CTCFL: variants seen among roughly 807,000 people sequenced by gnomAD.
CTCFL encodes the protein CCCTC-binding factor like, also known as transcriptional repressor CTCFL.
A neutral mutation model predicts 67.4 loss-of-function variants in CTCFL; 36 were observed. The ratio of observed to expected loss-of-function variants is 0.53; its 90% CI spans 0.41 to 0.71. CTCFL has a LOEUF of 0.71. Among genes scored for constraint, CTCFL ranks in the 30% least tolerant of loss-of-function variants. The probability of loss-of-function intolerance (pLI) is 0.00; values close to 1 mark genes in which losing one functional copy is unlikely to be tolerated. For missense variants in CTCFL, 786 were observed against 835.2 expected (o/e 0.94, Z 0.73); for synonymous variants, 324 against 302.3 (o/e 1.07, Z -0.75).
intron 5 of CTCFL, chr20:57,518,483 C>T: frequency 1.4e-6 from 2 of 1,385,384 alleles, no homozygotes; most frequent in Non-Finnish European, 1.9e-6. Flanking sequence ...AACTTTTAAA[C>T]AAATCTGGGA....
intron 2 of CTCFL, 55 bp downstream of exon 2, chr20:57,523,608 C>A: frequency 6.4e-7 from 1 of 1,557,358 alleles, no homozygotes; most frequent in East Asian, 2.2e-5. Flanking sequence ...GCATAAAAGC[C>A]GACTTGAATT....
At position 57,503,436 on chromosome 20, in the gene CTCFL, C is replaced by T. The variant is rs868093141; in HGVS notation, c.1840G>A (p.Glu614Lys). Residue 614 changes from glutamate to lysine, a missense_variant and splice_region_variant, in exon 10 of 11, where the codon GAA becomes AAA. By Grantham distance (56) the Glu-to-Lys change is moderately conservative. Around this residue, in one of 3 missense-constraint regions of CTCFL, gnomAD observed 199 missense variants for 196.7 expected, o/e 1.01. Transcript: ENST00000243914. ...AAACAAATCTGCGTAAAATCAGTAC[C>T]GTCTCCGTTCGCGGCTTCCTTCCAT... ...KGWKEAANGD[E>K]AAAEEASTTK... 3.1e-6 allele frequency: 5 copies of T among 1,614,036 alleles called. No homozygotes were observed. The African/African-American group carries it at 4.0e-5, about 13-fold the overall frequency.
intron 5 of CTCFL, among the ~76,000 whole-genome samples, chr20:57,516,656 AGT>A (rs2068945392): frequency 6.6e-6 from 1 of 152,246 alleles, no homozygotes; most frequent in Non-Finnish European, 1.5e-5. Context: ...CCACAGTAAC[AGT>A]GTGAGTGGAG....
chr20:57,512,148 C>T (rs183168289), intron 8 of CTCFL, among the ~76,000 whole-genome samples: 1 of 152,252 alleles, frequency 6.6e-6, no homozygotes, highest in East Asian at 1.9e-4. Context: ...ATAAAGTTAA[C>T]AACTTTAACT....
At chr20:57,514,487 G>C (rs544490844) in intron 7 of CTCFL, 105 bp downstream of exon 7, 2 of 1,367,440 alleles carry the variant, frequency 1.5e-6, no homozygotes, top group Non-Finnish European at 2.0e-6. Context: ...AGTTCCCGAA[G>C]ACCGGGCCTC....
Position 57,523,779 on chromosome 20 carries a change from A to T in CTCFL, c.427T>A (p.Tyr143Asn). The change falls in exon 2 of 11, where the codon TAC becomes AAC. Residue 143 changes from tyrosine to asparagine, a missense_variant. This residue lies in a region of CTCFL where 333 missense variants were observed against 304.6 expected (regional missense o/e 1.09). Transcript: ENST00000243914. ...AACACCTCCATCTCTTGCGGGGAGTACAGCTCTTGCTGGATACTAATGGCC... is the reference window on the plus strand; with the variant it reads ...AACACCTCCATCTCTTGCGGGGAGTTCAGCTCTTGCTGGATACTAATGGCC... Reference protein sequence around the residue: ...CVAISIQQELYSPQEMEVLQF... With the variant: ...CVAISIQQELNSPQEMEVLQF... The T allele has an allele frequency of 6.2e-7, 1 of 1,613,382 alleles. No individual in the cohort carries two copies. Among genetic ancestry groups the T allele is most frequent in the Non-Finnish European group, 8.5e-7 (1 of 1,180,036 alleles).
At position 57,514,658 on chromosome 20, in the gene CTCFL, C is replaced by T. The variant is rs773701318; in HGVS notation, c.1264G>A (p.Gly422Ser). ...CACTGGTATTTGGGGACATTTTCGC[C>T]GTGTTTCTGCAGAATATGTATTTTC... ...TMKIHILQKHGENVPKYQCPH... is the reference protein window; with the variant it reads ...TMKIHILQKHSENVPKYQCPH... Residue 422 changes from glycine to serine, a missense_variant, in exon 7 of 11, where the codon GGC (glycine) becomes AGC (serine). Coordinates refer to ENST00000243914, the MANE Select transcript of CTCFL (RefSeq NM_001386993.1). 1.5e-5 allele frequency: 25 copies of T among 1,614,028 alleles called. No individual in the cohort carries two copies. Among genetic ancestry groups the T allele is most frequent in the East Asian group, 2.2e-5 (1 of 44,904 alleles).
chr20:57,514,852 T>C, intron 6 of CTCFL, 111 bp from the exon 7 acceptor site: 1 of 1,148,462 alleles, frequency 8.7e-7, no homozygotes, highest in Non-Finnish European at 1.2e-6. Flanking sequence ...ATCAACCCCC[T>C]TCTCACCGGA....
At chr20:57,507,552 C>T (rs1289541621) in intron 9 of CTCFL, 2 of 701,816 alleles carry the variant, frequency 2.8e-6, no homozygotes, top group African/African-American at 3.5e-5. Context: ...CCTACTTGCA[C>T]TCTCTCACTT....
chr20:57,523,929 C>T lies in CTCFL; in HGVS notation c.277G>A (p.Glu93Lys), dbSNP rs138858459. ...CTCAGCAAGCTCATATCCTGCAACT[C>T]CACAGCTTCAGAAGTGAAGTGCACC... ...QTVHFTSEAV[E>K]LQDMSLLSIQ... Residue 93 changes from glutamate (E) to lysine (K), a missense_variant, in exon 2 of 11, where the codon GAG becomes AAG. This residue lies in a region of CTCFL where 333 missense variants were observed against 304.6 expected (regional missense o/e 1.09). Transcript: ENST00000243914. 1 of 1,613,152 alleles carries T rather than the reference C, an allele frequency of 6.2e-7. No homozygotes were observed. Among genetic ancestry groups the T allele is most frequent in the Admixed American group, 1.7e-5 (1 of 60,028 alleles).
intron 10 of CTCFL, 111 bp from the exon 11 acceptor site, chr20:57,498,812 A>C: frequency 1.1e-6 from 1 of 923,004 alleles, no homozygotes; most frequent in Non-Finnish European, 1.7e-6. Flanking sequence ...ACACGGCAGC[A>C]AGCATGTTAG....
At chr20:57,512,117 A>G (rs1422384218) in intron 8 of CTCFL, among the ~76,000 whole-genome samples, 2 of 152,330 alleles carry the variant, frequency 1.3e-5, no homozygotes, top group Non-Finnish European at 2.9e-5. Context: ...TTAAAAAGAA[A>G]GTATTCCAGG....
At chr20:57,500,985 A>C (rs1376784512) in intron 10 of CTCFL, among the ~76,000 whole-genome samples, 1 of 152,228 alleles carries the variant, frequency 6.6e-6, no homozygotes, top group Non-Finnish European at 1.5e-5. Context: ...GATCTGACTT[A>C]AACTCAGAGC....
intron 9 of CTCFL, 91 bp from the exon 10 acceptor site, chr20:57,503,692 AAAG>A: frequency 7.1e-7 from 1 of 1,408,362 alleles, no homozygotes; most frequent in Non-Finnish European, 9.7e-7. Flanking sequence ...GCATGGAAAG[AAAG>A]AAAAATCCTG....
intron 10 of CTCFL, among the ~76,000 whole-genome samples, chr20:57,502,872 A>C (rs1035918463): frequency 6.6e-6 from 1 of 152,214 alleles, no homozygotes; most frequent in Non-Finnish European, 1.5e-5. Flanking sequence ...TCTAAATCCT[A>C]AATGATAAAT....
chr20:57,503,468 G>A lies in CTCFL; in HGVS notation c.1808C>T (p.Ala603Val), dbSNP rs763413161. 1.3e-5 allele frequency: 21 copies of A among 1,614,022 alleles called. No individual in the cohort carries two copies. The highest frequency in any genetic ancestry group is 5.1e-6 in the Non-Finnish European group (6 of 1,180,028). The change falls in exon 10 of 11, where the codon GCG (alanine) becomes GTG (valine). Residue 603 changes from alanine (A) to valine (V), a missense_variant. By Grantham distance (64) the Ala-to-Val change is moderately conservative. Transcript: ENST00000243914. ...GTTCGCGGCTTCCTTCCATCCCTTCGCAGCTTCCTTCTGACCCTTTGTGGC... is the reference window on the plus strand; with the variant it reads ...GTTCGCGGCTTCCTTCCATCCCTTCACAGCTTCCTTCTGACCCTTTGTGGC... Reference protein sequence around the residue: ...KEATKGQKEAAKGWKEAANGD... With the variant: ...KEATKGQKEAVKGWKEAANGD...
chr20:57,509,127 T>A (rs2068391938), intron 8 of CTCFL, among the ~76,000 whole-genome samples: 1 of 152,166 alleles, frequency 6.6e-6, no homozygotes, highest in African/African-American at 2.4e-5. Flanking sequence ...TACAACTATT[T>A]ACAATTACCT....
Position 57,505,276 on chromosome 20 carries a change from G to C in CTCFL, c.1675-1675C>G, listed in dbSNP as rs764580778. Among the ~76,000 whole-genome samples, 35 of 151,532 alleles carry C rather than the reference G, an allele frequency of 2.3e-4. 1 individual carries two copies. Among genetic ancestry groups the C allele is most frequent in the Non-Finnish European group, 3.7e-4 (25 of 67,788 alleles). ...ATTTATTTATTTATTTATTTTTTGAGACGGAGTCTTGCTCTTTCGTCTAGG... is the reference window on the plus strand; with the variant it reads ...ATTTATTTATTTATTTATTTTTTGACACGGAGTCTTGCTCTTTCGTCTAGG... On this transcript the variant is annotated intron_variant, in intron 9 of 10. Coordinates refer to ENST00000243914, the MANE Select transcript of CTCFL (RefSeq NM_001386993.1).
chr20:57,518,873 C>T lies in CTCFL; in HGVS notation c.944G>A (p.Cys315Tyr). Reference protein sequence around the residue: ...NTHTGTRPYKCNDCNMAFVTS... With the variant: ...NTHTGTRPYKYNDCNMAFVTS... The stretch of plus-strand genomic sequence containing the variant: ...GACAAATGCCATGTTGCAGTCGTTA[C>T]ACTTGTAGGGCCTGGTTCCTGTAAA... The change falls in exon 5 of 11, where the codon TGT becomes TAT. Residue 315 changes from cysteine to tyrosine, a missense_variant. Coordinates refer to ENST00000243914, the MANE Select transcript of CTCFL (RefSeq NM_001386993.1). 1.9e-6 allele frequency: 3 copies of T among 1,613,672 alleles called. No homozygotes were observed. Among genetic ancestry groups the T allele is most frequent in the South Asian group, 1.1e-5 (1 of 91,052 alleles).
Sources: allele counts gnomAD v4.1 joint callset (sites outside exome capture counted in the v4.1 genomes callset), GRCh38; gene constraint gnomAD v4.1.1; regional missense constraint gnomAD v4.1.1; transcripts MANE v1.5; gene names NCBI Gene and HGNC (gene_info 2026-07-23, HGNC 2026-07-21).